ROBO1: variants seen among roughly 807,000 people sequenced by gnomAD.
The protein encoded by ROBO1 is roundabout homolog 1.
Under a neutral mutation model 195.9 loss-of-function variants are expected in ROBO1, and 149 were observed. The ratio of observed to expected loss-of-function variants is 0.76; its 90% CI spans 0.67 to 0.87. ROBO1 has a LOEUF of 0.87. ROBO1 is among the 40% of genes least tolerant of loss of function. The pLI is 0.00. For synonymous variants in ROBO1, 816 were observed against 733.2 expected, an observed-to-expected ratio of 1.11 and a Z score of -1.82; for missense variants, 1,933 against 2,068.3, an observed-to-expected ratio of 0.93 and a Z score of 1.27.
At chr3:78,941,100 T>G (rs375350374) in intron 3 of ROBO1, among the ~76,000 whole-genome samples, 48 of 152,356 alleles carry the variant, frequency 3.2e-4, no homozygotes, top group African/African-American at 1.1e-3. Context: ...GTGAAATATA[T>G]TAATGAATAA....
At chr3:79,534,775 T>G (rs954583487) in intron 2 of ROBO1, among the ~76,000 whole-genome samples, 1 of 152,150 alleles carries the variant, frequency 6.6e-6, no homozygotes, top group Non-Finnish European at 1.5e-5. Flanking sequence ...AAATTAAGCC[T>G]CCTAGATTTC....
chr3:78,620,142 T>A (rs1226496591), intron 26 of ROBO1, among the ~76,000 whole-genome samples: 1 of 152,032 alleles, frequency 6.6e-6, no homozygotes, highest in Non-Finnish European at 1.5e-5. Flanking sequence ...ACCAGTAGGA[T>A]CTGCTCCAAG....
At chr3:79,175,412 C>T (rs1263341918) in intron 2 of ROBO1, among the ~76,000 whole-genome samples, 1 of 152,186 alleles carries the variant, frequency 6.6e-6, no homozygotes, top group South Asian at 2.1e-4. Flanking sequence ...TCCCCAAATA[C>T]TGGGATTATA....
intron 2 of ROBO1, among the ~76,000 whole-genome samples, chr3:79,197,412 C>T (rs2081659204): frequency 6.6e-6 from 1 of 152,000 alleles, no homozygotes; most frequent in African/African-American, 2.4e-5. Flanking sequence ...TGTATATGTG[C>T]CACATTTTCT....
Position 78,746,732 on chromosome 3 carries a change from T to C in ROBO1, c.657+11A>G. ...CAACAAATGTCCTCTGCTGTTGAAT[T>C]AAATACTCACAGTTATTCTTTCATC... On this transcript the variant is annotated intron_variant, in intron 5 of 30. Transcript: ENST00000464233. 1 of 1,471,860 alleles carries C rather than the reference T, an allele frequency of 6.8e-7. No individual in the cohort carries two copies. The highest frequency in any genetic ancestry group is 9.1e-7 in the Non-Finnish European group (1 of 1,095,084). 91.2% of individuals were successfully genotyped at this position (1,471,860 alleles called of 1,614,324 possible). A position where few individuals can be genotyped will look rare whatever the true frequency, so the allele number is the denominator to read the frequency against.
At chr3:78,935,000 C>T (rs763500843) in intron 4 of ROBO1, among the ~76,000 whole-genome samples, 1 of 151,962 alleles carries the variant, frequency 6.6e-6, no homozygotes, top group Admixed American at 6.6e-5. Context: ...ATTTTACCCA[C>T]ATGAGGAAAA....
intron 4 of ROBO1, among the ~76,000 whole-genome samples, chr3:78,893,598 T>C (rs1015718533): frequency 1.3e-5 from 2 of 152,196 alleles, no homozygotes; most frequent in African/African-American, 4.8e-5. Context: ...AAATATTAGC[T>C]AAATAATTTT....
At chr3:78,836,249 A>C (rs1055980842) in intron 4 of ROBO1, among the ~76,000 whole-genome samples, 3 of 152,112 alleles carry the variant, frequency 2.0e-5, no homozygotes, top group Non-Finnish European at 2.9e-5. Flanking sequence ...GCAGTGGCTC[A>C]TGCCTGTAAT....
intron 2 of ROBO1, among the ~76,000 whole-genome samples, chr3:79,549,252 A>G (rs549751907): frequency 6.6e-6 from 1 of 152,308 alleles, no homozygotes; most frequent in East Asian, 1.9e-4. Flanking sequence ...GTGACAGAAA[A>G]ATCATATGGC....
At chr3:79,631,992 C>T (rs1231848957) in intron 1 of ROBO1, among the ~76,000 whole-genome samples, 1 of 151,846 alleles carries the variant, frequency 6.6e-6, no homozygotes, top group African/African-American at 2.4e-5. Context: ...TTGGTGAGAT[C>T]ACAGAGAATA....
chr3:79,348,485 G>A (rs934543201), intron 2 of ROBO1, among the ~76,000 whole-genome samples: 1 of 152,078 alleles, frequency 6.6e-6, no homozygotes, highest in Non-Finnish European at 1.5e-5. Flanking sequence ...TTTTTTGAGG[G>A]GGCAGGCAAG....
chr3:79,054,085 C>G lies in ROBO1; in HGVS notation c.172+71371G>C, dbSNP rs190029547. Among the ~76,000 whole-genome samples the G allele has an allele frequency of 4.1e-3, 625 of 152,192 alleles. 6 individuals carry two copies. The highest frequency in any genetic ancestry group is 5.6e-3 in the Admixed American group (86 of 15,282). On this transcript the variant is annotated intron_variant, in intron 3 of 30. Transcript: ENST00000464233. ...CCATCTCAGCATTTACAATTCCATA[C>G]CTGGTAGTCAGAGGAGGCCCGTTTG...
chr3:78,717,816 C>A lies in ROBO1; in HGVS notation c.725G>T (p.Gly242Val). Residue 242 changes from glycine to valine, a missense_variant, in exon 6 of 31, where the codon GGT becomes GTT. Physicochemically the swap from Gly to Val is moderately radical, Grantham distance 109 (BLOSUM62 -3). Transcript: ENST00000464233. ...KSDAGKYVCV[G>V]TNMVGERESE... ...CTCACGTTCCCCAACCATATTGGTACCAACACAAACATATTTGCCAGCGTC... is the reference window on the plus strand; with the variant it reads ...CTCACGTTCCCCAACCATATTGGTAACAACACAAACATATTTGCCAGCGTC... The A allele has an allele frequency of 6.2e-7, 1 of 1,613,696 alleles. No individual in the cohort carries two copies. Among genetic ancestry groups the A allele is most frequent in the Non-Finnish European group, 8.5e-7 (1 of 1,179,716 alleles).
chr3:79,212,910 CAAATTCTT>C lies in ROBO1; in HGVS notation c.89-87379_89-87372del, dbSNP rs575018305. On this transcript the variant is annotated intron_variant, in intron 2 of 30. Coordinates refer to ENST00000464233, the MANE Select transcript of ROBO1 (RefSeq NM_002941.4). ...GTCTAGCTCTGGGTGTAGACTTTAG[CAAATTCTT>C]TTCTTACTTGCAGTCTGAACGCCAA... Among the ~76,000 whole-genome samples the C allele has an allele frequency of 1.1e-4, 17 of 152,128 alleles. No homozygotes were observed. The South Asian group carries it at 3.3e-3, about 30-fold the overall frequency.
chr3:79,068,443 T>C (rs983458008), intron 3 of ROBO1, among the ~76,000 whole-genome samples: 5 of 151,928 alleles, frequency 3.3e-5, no homozygotes. Flanking sequence ...TTTACTGAAA[T>C]GTGGTTGTTC....
intron 2 of ROBO1, among the ~76,000 whole-genome samples, chr3:79,453,791 C>G (rs1021265643): frequency 6.6e-6 from 1 of 152,014 alleles, no homozygotes; most frequent in East Asian, 1.9e-4. Context: ...TATCCAAGCA[C>G]GAGACAAGGT....
intron 3 of ROBO1, among the ~76,000 whole-genome samples, chr3:79,042,673 T>C (rs1432916456): frequency 1.3e-5 from 2 of 152,158 alleles, no homozygotes; most frequent in Admixed American, 6.6e-5. Flanking sequence ...AAACTTTCTA[T>C]AAGTACAAAA....
At chr3:79,293,563 A>G (rs1001307537) in intron 2 of ROBO1, among the ~76,000 whole-genome samples, 3 of 152,106 alleles carry the variant, frequency 2.0e-5, no homozygotes, top group Admixed American at 1.3e-4. Flanking sequence ...TGTCCCAGAG[A>G]TTCTGGTACA....
intron 3 of ROBO1, among the ~76,000 whole-genome samples, chr3:79,010,162 TC>T (rs1421676971): frequency 6.6e-6 from 1 of 152,132 alleles, no homozygotes; most frequent in Non-Finnish European, 1.5e-5. Flanking sequence ...TGTAGTTCCC[TC>T]CCAAAAAAGC....
Sources: gnomAD v4.1 joint callset for allele counts (sites outside exome capture counted in the v4.1 genomes callset) on GRCh38, gnomAD v4.1.1 for gene constraint, MANE v1.5 for transcripts, NCBI Gene and HGNC (gene_info 2026-07-23, HGNC 2026-07-21) for gene names.